The following GINS1 variants were observed in gnomAD, a reference collection of about 807,000 sequenced individuals.
GINS1 encodes DNA replication complex GINS protein PSF1.
In GINS1, 26 loss-of-function variants were observed where a neutral mutation model predicts 34.9. That is an observed-to-expected ratio of 0.74 (90% CI 0.55 to 1.03). The LOEUF is 1.03. GINS1 is among the 50% of genes least tolerant of loss of function. The probability of loss-of-function intolerance (pLI) is 0.00; values close to 1 mark genes in which losing one functional copy is unlikely to be tolerated. For missense variants in GINS1, 235 were observed against 237.9 expected (o/e 0.99, Z 0.08); for synonymous variants, 97 against 84.4 (o/e 1.15, Z -0.82).
intron 5 of GINS1, among the ~76,000 whole-genome samples, chr20:25,426,689 C>A (rs2090392989): frequency 1.3e-5 from 2 of 151,716 alleles, no homozygotes; most frequent in Non-Finnish European, 2.9e-5. Flanking sequence ...CCACCCCTGG[C>A]TAATTTTGTA....
At chr20:25,427,226 G>A (rs1365310718) in intron 5 of GINS1, among the ~76,000 whole-genome samples, 5 of 152,034 alleles carry the variant, frequency 3.3e-5, no homozygotes, top group Admixed American at 6.6e-5. Context: ...ATGCAGTGGC[G>A]CGATCTCGGC....
intron 6 of GINS1, among the ~76,000 whole-genome samples, chr20:25,443,476 CTTTTTTT>C (rs11482627): frequency 1.6e-5 from 2 of 124,732 alleles, no homozygotes; most frequent in Non-Finnish European, 3.3e-5. Flanking sequence ...GGTTGAATTT[CTTTTTTT>C]TTTTTTTTTT....
chr20:25,427,650 C>G (rs1193922186), intron 5 of GINS1, among the ~76,000 whole-genome samples: 1 of 152,086 alleles, frequency 6.6e-6, no homozygotes, highest in East Asian at 1.9e-4. Context: ...CTTTATGGGG[C>G]CCATTTTCAA....
Position 25,425,331 on chromosome 20 carries a change from T to C in GINS1, c.447+4T>C. The C allele has an allele frequency of 8.6e-7, 1 of 1,160,556 alleles. No homozygotes were observed. The highest frequency in any genetic ancestry group is 1.3e-6 in the Non-Finnish European group (1 of 780,852). 71.9% of individuals were successfully genotyped at this position (1,160,556 alleles called of 1,614,324 possible). On this transcript the variant is annotated splice_donor_region_variant and intron_variant, in intron 5 of 6. Coordinates refer to ENST00000262460, the MANE Select transcript of GINS1 (RefSeq NM_021067.5). ...ACCAAAAAGCCTATATATTGAAGTA[T>C]GTATATCTTTTTAAAATGCATTTTT...
chr20:25,434,296 G>GA lies in GINS1; in HGVS notation c.448-7396dup, dbSNP rs545647911. 8.3e-4 allele frequency among the ~76,000 whole-genome samples: 121 copies of GA among 145,918 alleles called. 1 individual carries two copies. The highest frequency in any genetic ancestry group is 8.3e-3 in the South Asian group (38 of 4,588). ...AGTCTCCACACCTCCCCGCTGCCCA[G>GA]AAAAAAAAAACCCAACAAAAAATAG... On this transcript the variant is annotated intron_variant, in intron 5 of 6. Transcript: ENST00000262460.
intron 5 of GINS1, among the ~76,000 whole-genome samples, chr20:25,429,190 A>G (rs1464454648): frequency 6.6e-6 from 1 of 151,646 alleles, no homozygotes; most frequent in Non-Finnish European, 1.5e-5. Flanking sequence ...GGGTTTCACC[A>G]TGTTGGCTAG....
At chr20:25,422,552 C>T (rs1357873043) in intron 4 of GINS1, among the ~76,000 whole-genome samples, 2 of 152,132 alleles carry the variant, frequency 1.3e-5, no homozygotes, top group African/African-American at 4.8e-5. Context: ...GATTGCGCCA[C>T]TGCACTCCAG....
Position 25,430,176 on chromosome 20 carries a change from G to A in GINS1, c.447+4849G>A, listed in dbSNP as rs777333531. ...TCCACCCGCCTTGGCCTCCCAAAGT[G>A]CTGGGATTATAGGCGTGAGCCACCG... is the stretch of plus-strand genomic sequence containing the variant. On this transcript the variant is annotated intron_variant, in intron 5 of 6. Transcript: ENST00000262460. Among the ~76,000 whole-genome samples the A allele has an allele frequency of 3.9e-5, 6 of 152,250 alleles. No individual in the cohort carries two copies. In the South Asian group the frequency reaches 1.2e-3, roughly 32 times the overall value.
chr20:25,431,648 T>C (rs1189326263), intron 5 of GINS1, among the ~76,000 whole-genome samples: 1 of 151,312 alleles, frequency 6.6e-6, no homozygotes, highest in African/African-American at 2.4e-5. Context: ...TCAGCTCACT[T>C]CATCCTCCGC....
intron 1 of GINS1, among the ~76,000 whole-genome samples, chr20:25,410,768 G>A (rs1009899843): frequency 2.6e-5 from 4 of 151,844 alleles, no homozygotes; most frequent in African/African-American, 9.7e-5. Flanking sequence ...TCACTATTTT[G>A]GCCGGGCTGG....
intron 2 of GINS1, among the ~76,000 whole-genome samples, chr20:25,414,180 C>T (rs2090305597): frequency 2.7e-5 from 3 of 112,662 alleles, no homozygotes; most frequent in Non-Finnish European, 4.9e-5. Flanking sequence ...TAGGGCAAGA[C>T]TCTGTCTCCA....
At chr20:25,410,094 C>G (rs892887037) in intron 1 of GINS1, among the ~76,000 whole-genome samples, 1 of 152,188 alleles carries the variant, frequency 6.6e-6, no homozygotes, top group Admixed American at 6.5e-5. Context: ...GTAATCCCCC[C>G]ACTTTGGGAG....
intron 5 of GINS1, among the ~76,000 whole-genome samples, chr20:25,428,133 A>G (rs1396471447): frequency 1.3e-5 from 2 of 152,038 alleles, no homozygotes; most frequent in African/African-American, 4.8e-5. Context: ...TTGGCCTCCC[A>G]AAGTGCAGGG....
intron 1 of GINS1, 78 bp from the exon 2 acceptor site, chr20:25,413,712 C>G: frequency 1.2e-6 from 1 of 820,866 alleles, no homozygotes; most frequent in Non-Finnish European, 2.2e-6. Flanking sequence ...ATGAAAGATA[C>G]AGTTCAGTAT....
chr20:25,426,765 TCCTC>T (rs2090393581), intron 5 of GINS1, among the ~76,000 whole-genome samples: 1 of 151,978 alleles, frequency 6.6e-6, no homozygotes, highest in African/African-American at 2.4e-5. Flanking sequence ...GCTCAGGTGA[TCCTC>T]CCTCCTCGGC....
intron 4 of GINS1, among the ~76,000 whole-genome samples, chr20:25,424,142 G>A (rs2090376715): frequency 6.6e-6 from 1 of 152,114 alleles, no homozygotes; most frequent in Non-Finnish European, 1.5e-5. Flanking sequence ...CTGAATGGGA[G>A]GACTTTTTCT....
chr20:25,414,795 AAAGG>A (rs765502592), intron 2 of GINS1, among the ~76,000 whole-genome samples: 2 of 152,242 alleles, frequency 1.3e-5, no homozygotes, highest in African/African-American at 2.4e-5. Flanking sequence ...TGAGTTTGTT[AAAGG>A]AAGAATAGGC....
At chr20:25,445,348 A>ATTTT (rs61186516) in intron 6 of GINS1, among the ~76,000 whole-genome samples, 1 of 138,366 alleles carries the variant, frequency 7.2e-6, no homozygotes. Context: ...CGCCTGGCTA[A>ATTTT]TTTTTTTTTT....
At chr20:25,412,168 A>C (rs2035706757) in intron 1 of GINS1, among the ~76,000 whole-genome samples, 3 of 152,184 alleles carry the variant, frequency 2.0e-5, no homozygotes, top group Admixed American at 2.0e-4. Context: ...AATTTGCCCG[A>C]AACTGGATAC....
Sources: allele counts gnomAD v4.1 joint callset (sites outside exome capture counted in the v4.1 genomes callset), GRCh38; gene constraint gnomAD v4.1.1; transcripts MANE v1.5; gene names NCBI Gene and HGNC (gene_info 2026-07-23, HGNC 2026-07-21).